LAMA2: variants seen among roughly 807,000 people sequenced by gnomAD.
LAMA2 encodes the protein laminin subunit alpha-2.
Under a neutral mutation model 364.8 loss-of-function variants are expected in LAMA2, and 269 were observed. The ratio of observed to expected loss-of-function variants is 0.74; its 90% CI spans 0.67 to 0.82. LAMA2 has a LOEUF of 0.82. LAMA2 is among the 40% of genes least tolerant of loss of function. The pLI, the probability that LAMA2 is intolerant of heterozygous loss-of-function variation, is 0.00. For missense variants in LAMA2, 3,807 were observed against 3,873.2 expected (o/e 0.98, Z 0.45); for synonymous variants, 1,379 against 1,370.6 (o/e 1.01, Z -0.14).
chr6:129,291,607 T>A lies in LAMA2; in HGVS notation c.2750-7T>A. 6.2e-7 allele frequency: 1 copy of A among 1,610,056 alleles called. No homozygotes were observed. The highest frequency in any genetic ancestry group is 8.5e-7 in the Non-Finnish European group (1 of 1,176,332). ...TTCCTGATCACAGGTCTCTCTTCTC[T>A]TTGCAGCCTGTCGCTGTAATGCCGG... On this transcript the variant is annotated splice_polypyrimidine_tract_variant and splice_region_variant and intron_variant, in intron 19 of 64. Transcript: ENST00000421865.
intron 1 of LAMA2, among the ~76,000 whole-genome samples, chr6:128,896,902 G>C (rs1282478934): frequency 6.6e-6 from 1 of 152,212 alleles, no homozygotes; most frequent in Non-Finnish European, 1.5e-5. Flanking sequence ...TGCTCGGTGA[G>C]AAATAGTGAA....
At chr6:129,287,321 T>C (rs1789336364) in intron 18 of LAMA2, among the ~76,000 whole-genome samples, 1 of 152,096 alleles carries the variant, frequency 6.6e-6, no homozygotes, top group South Asian at 2.1e-4. Context: ...AATTCAGATA[T>C]ACCCACAGCT....
Position 128,949,530 on chromosome 6 carries a change from A to T in LAMA2, c.112+66173A>T, listed in dbSNP as rs80047238. On this transcript the variant is annotated intron_variant, in intron 1 of 64. Transcript: ENST00000421865. Reference sequence around the variant, plus strand: ...AGAAAGACAAGAAGGATAGGGGAAAATAGAGAAGAATAGAGAGAGAAAGGA... The same window carrying T: ...AGAAAGACAAGAAGGATAGGGGAAATTAGAGAAGAATAGAGAGAGAAAGGA... Among the ~76,000 whole-genome samples, 595 of 152,260 alleles carry T rather than the reference A, an allele frequency of 3.9e-3. 4 individuals carry two copies. Among genetic ancestry groups the T allele is most frequent in the African/African-American group, 0.014 (572 of 41,556 alleles).
chr6:129,211,829 C>T (rs1037336347), intron 12 of LAMA2, among the ~76,000 whole-genome samples: 2 of 152,294 alleles, frequency 1.3e-5, no homozygotes, highest in East Asian at 1.9e-4. Flanking sequence ...TTGACTTTCT[C>T]ACTAAACTGC....
chr6:129,053,326 A>G (rs34482742), intron 2 of LAMA2, among the ~76,000 whole-genome samples: 13,780 of 152,106 alleles, frequency 0.091, 858 homozygotes, highest in Non-Finnish European at 0.14. Flanking sequence ...CGGCCTCCCA[A>G]AGTGCTGGGA....
intron 5 of LAMA2, among the ~76,000 whole-genome samples, chr6:129,145,888 A>G (rs1778404647): frequency 6.6e-6 from 1 of 152,016 alleles, no homozygotes; most frequent in Non-Finnish European, 1.5e-5. Flanking sequence ...CAGCTTTTTA[A>G]GCAAATATCT....
chr6:129,468,071 A>C (rs565319054), intron 51 of LAMA2, among the ~76,000 whole-genome samples: 5 of 151,806 alleles, frequency 3.3e-5, no homozygotes, highest in African/African-American at 1.2e-4. Context: ...TTGGCTTTCA[A>C]ATTGACTCTA....
At chr6:129,466,842 G>A (rs1783569578) in intron 51 of LAMA2, among the ~76,000 whole-genome samples, 2 of 151,878 alleles carry the variant, frequency 1.3e-5, no homozygotes, top group Non-Finnish European at 2.9e-5. Context: ...TGAGCTAAGT[G>A]AGTGAGTTTC....
intron 18 of LAMA2, among the ~76,000 whole-genome samples, chr6:129,283,616 T>C (rs883736): frequency 0.66 from 99,557 of 151,038 alleles, 34,749 homozygotes; most frequent in Non-Finnish European, 0.77. Flanking sequence ...GGTGTTTGAA[T>C]CTAATTGCTT....
chr6:129,032,401 A>T (rs1250998803), intron 1 of LAMA2, among the ~76,000 whole-genome samples: 1 of 152,228 alleles, frequency 6.6e-6, no homozygotes, highest in African/African-American at 2.4e-5. Flanking sequence ...GACAAGGAAG[A>T]AACACTTGTG....
intron 32 of LAMA2, among the ~76,000 whole-genome samples, chr6:129,361,783 C>CTT (rs66805881): frequency 0.016 from 1,890 of 121,044 alleles, 64 homozygotes; most frequent in Non-Finnish European, 0.019. Context: ...TAACAGTAAC[C>CTT]TTTTTTTTTT....
rs981544812 is a variant in LAMA2, at chr6:129,192,682, A to T, written c.1611A>T (p.Ile537=). ...GATGACTGTGTGTTTTCTCTAAGAT[A>T]CAAGATATGAGTGGCTGGTATCTGA... ...CQSSYWTYGK[I]QDMSGWYLTD... is the part of the protein sequence containing the mutation. The change falls in exon 12 of 65, where the codon ATA becomes ATT. Residue 537 remains isoleucine, a splice_region_variant and synonymous_variant. Transcript: ENST00000421865. 2.5e-6 allele frequency: 4 copies of T among 1,613,880 alleles called. No homozygotes were observed. Among genetic ancestry groups the T allele is most frequent in the Admixed American group, 3.3e-5 (2 of 60,004 alleles).
chr6:128,920,012 G>A (rs1329745359), intron 1 of LAMA2, among the ~76,000 whole-genome samples: 1 of 152,072 alleles, frequency 6.6e-6, no homozygotes, highest in African/African-American at 2.4e-5. Context: ...TCATAAAAAT[G>A]AGCTGTATCC....
rs1439924211 is a variant in LAMA2 at position 129,315,809 on chromosome 6, T to C, written c.3783T>C (p.Ala1261=). The C allele has an allele frequency of 6.2e-7, 1 of 1,614,012 alleles. No homozygotes were observed. Among genetic ancestry groups the C allele is most frequent in the African/African-American group, 1.3e-5 (1 of 74,930 alleles). Residue 1261 remains alanine, a synonymous_variant, in exon 26 of 65, where the codon GCT becomes GCC. Transcript: ENST00000421865. ...TCAAGTATGCAATCTATTTCGAGGCTCGGGAAGAAACAGGTTTCTCTACAT... is the reference window on the plus strand; with the variant it reads ...TCAAGTATGCAATCTATTTCGAGGCCCGGGAAGAAACAGGTTTCTCTACAT... The part of the protein sequence containing the change: ...GKLKYAIYFE[A]REETGFSTYN...
chr6:129,397,899 T>C (rs895586552), intron 37 of LAMA2, among the ~76,000 whole-genome samples: 3 of 141,016 alleles, frequency 2.1e-5, no homozygotes, highest in Non-Finnish European at 4.5e-5. Flanking sequence ...ATTGCTCCAC[T>C]GCACTCCAGC....
At chr6:129,416,871 T>G (rs1780822046) in intron 40 of LAMA2, among the ~76,000 whole-genome samples, 1 of 152,172 alleles carries the variant, frequency 6.6e-6, no homozygotes, top group Non-Finnish European at 1.5e-5. Context: ...CCAGCTGCAG[T>G]GGGCTGGGCA....
intron 34 of LAMA2, among the ~76,000 whole-genome samples, chr6:129,382,083 C>G (rs942467652): frequency 3.3e-5 from 5 of 152,148 alleles, no homozygotes; most frequent in African/African-American, 4.8e-5. Flanking sequence ...CTGGCCATGC[C>G]TAGTATGCAA....
intron 9 of LAMA2, among the ~76,000 whole-genome samples, chr6:129,175,150 A>G (rs1280782323): frequency 6.6e-6 from 1 of 152,214 alleles, no homozygotes; most frequent in Non-Finnish European, 1.5e-5. Flanking sequence ...TTATTTTACC[A>G]GAGTATGTTC....
intron 12 of LAMA2, among the ~76,000 whole-genome samples, chr6:129,208,453 C>T (rs1782827904): frequency 6.8e-6 from 1 of 147,560 alleles, no homozygotes; most frequent in Non-Finnish European, 1.5e-5. Flanking sequence ...TCCCCTCACA[C>T]ATAAACAGAC....
Sources: allele counts gnomAD v4.1 joint callset (sites outside exome capture counted in the v4.1 genomes callset), GRCh38; gene constraint gnomAD v4.1.1; transcripts MANE v1.5; gene names NCBI Gene and HGNC (gene_info 2026-07-23, HGNC 2026-07-21).